Variants in OGDHL observed in about 807,000 individuals in gnomAD.
The protein encoded by OGDHL is 2-oxoglutarate dehydrogenase-like, mitochondrial.
In OGDHL, 79 loss-of-function variants were observed where a neutral mutation model predicts 109.6. The ratio of observed to expected loss-of-function variants is 0.72; its 90% confidence interval spans 0.60 to 0.87. The LOEUF is 0.87. Among genes scored for constraint, OGDHL ranks in the 40% least tolerant of loss-of-function variants. The pLI is 0.00. For missense variants in OGDHL, 1,275 were observed against 1,362.2 expected (o/e 0.94, Z 1.01); for synonymous variants, 528 against 537.2 (o/e 0.98, Z 0.24).
chr10:49,746,068 C>A (rs941695000), intron 10 of OGDHL, 91 bp from the exon 11 acceptor site: 16 of 1,432,572 alleles, frequency 1.1e-5, no homozygotes, highest in Non-Finnish European at 1.9e-6. Context: ...GGGGGATGCT[C>A]AAGGTCCACT....
At chr10:49,740,986 G>A (rs1190602141) in intron 15 of OGDHL, 149 bp from the exon 16 acceptor site, 2 of 1,041,250 alleles carry the variant, frequency 1.9e-6, no homozygotes, top group Admixed American at 2.3e-5. Context: ...CATCCAAGAA[G>A]GCTGTGGAAA....
At chr10:49,743,779 G>A in intron 14 of OGDHL, 1 of 501,130 alleles carries the variant, frequency 2.0e-6, no homozygotes. Context: ...ACCCAGCTGG[G>A]AGTGTGGCAT....
At chr10:49,741,972 T>C (rs1841712783) in intron 15 of OGDHL, among the ~76,000 whole-genome samples, 3 of 79,750 alleles carry the variant, frequency 3.8e-5, no homozygotes, top group South Asian at 4.7e-4. Context: ...CTACATACAC[T>C]ACACACACAC....
intron 5 of OGDHL, 33 bp downstream of exon 5, chr10:49,752,100 T>A (rs1354054385): frequency 6.2e-7 from 1 of 1,610,384 alleles, no homozygotes; most frequent in Admixed American, 1.7e-5. Flanking sequence ...AAGAGCTGCT[T>A]CAGCTGCACC....
intron 15 of OGDHL, among the ~76,000 whole-genome samples, chr10:49,742,544 ACAC>A: frequency 9.7e-6 from 1 of 103,560 alleles, no homozygotes; most frequent in Middle Eastern, 5.4e-3. Context: ...CACACACCAC[ACAC>A]AACTCGCCCA....
chr10:49,747,155 G>A lies in OGDHL; in HGVS notation c.1041C>T (p.Arg347=), dbSNP rs756155759. 1.1e-5 allele frequency: 17 copies of A among 1,614,106 alleles called. No homozygotes were observed. Among genetic ancestry groups the A allele is most frequent in the East Asian group, 2.2e-5 (1 of 44,898 alleles). Residue 347 remains arginine, a synonymous_variant, in exon 9 of 23, where the codon CGC becomes CGT. Coordinates refer to ENST00000374103, the MANE Select transcript of OGDHL (RefSeq NM_018245.3). ...ACAGAGTGATGTTCCGGTTGGTGAC[G>A]CGGTTGATCCTCTCATGGTACATGC... ...HLGMYHERIN[R]VTNRNITLSL... is the part of the protein sequence containing the mutation.
intron 16 of OGDHL, 137 bp downstream of exon 16, chr10:49,740,573 C>A: frequency 9.1e-7 from 1 of 1,097,204 alleles, no homozygotes; most frequent in Non-Finnish European, 1.2e-6. Context: ...GCCCAATCAC[C>A]ATCCCCCAGG....
In OGDHL at chr10:49,746,774, G is replaced by A. The variant is rs774251634; in HGVS notation, c.1272C>T (p.Thr424=). ...SDLPSYTTNG[T]VHVVVNNQIG... ...CCTGGTTGTTGACGACGACGTGCAC[G>A]GTACCATTGGTCGTGTAGGAGGGCA... The change falls in exon 10 of 23, where the codon ACC becomes ACT. Residue 424 remains threonine, a synonymous_variant. Transcript: ENST00000374103. 30 of 1,614,032 alleles carry A rather than the reference G, an allele frequency of 1.9e-5. No individual in the cohort carries two copies. Among genetic ancestry groups the A allele is most frequent in the Admixed American group, 1.3e-4 (8 of 60,006 alleles).
In OGDHL at chr10:49,738,387, G is replaced by T. The variant is rs528904133; in HGVS notation, c.2320-125C>A. On this transcript the variant is annotated intron_variant, in intron 17 of 22. Coordinates refer to ENST00000374103, the MANE Select transcript of OGDHL (RefSeq NM_018245.3). ...TCAGCAGAGGTGCCCTCACCCTGGA[G>T]CCTGAACCATAGAAAAGAACCAAGA... 79 of 908,232 alleles carry T rather than the reference G, an allele frequency of 8.7e-5. No individual in the cohort carries two copies. The African/African-American group carries it at 1.3e-3, about 15-fold the overall frequency. The allele number at this position is 908,232 out of a possible 1,614,324, so 56.3% of individuals were successfully genotyped here.
intron 15 of OGDHL, among the ~76,000 whole-genome samples, chr10:49,742,453 ACACG>A (rs1432193771): frequency 6.3e-3 from 16 of 2,558 alleles, no homozygotes; most frequent in Non-Finnish European, 9.4e-3. Context: ...CACACCACAC[ACACG>A]CACCACACAC....
At position 49,758,495 on chromosome 10, in the gene OGDHL, G is replaced by C; in HGVS notation, c.98C>G (p.Ser33Cys). 6.2e-7 allele frequency: 1 copy of C among 1,613,870 alleles called. No homozygotes were observed. ...DVPVFGWRSRSSGPPATFPSS... is the reference protein window; with the variant it reads ...DVPVFGWRSRCSGPPATFPSS... Reference sequence around the variant, plus strand: ...TGGGAAGGTGGCCGGTGGCCCGGAGGACCTGCTGCGCCAGCCAAACACCGG... The same window carrying C: ...TGGGAAGGTGGCCGGTGGCCCGGAGCACCTGCTGCGCCAGCCAAACACCGG... Residue 33 changes from serine to cysteine, a missense_variant, in exon 2 of 23, where the codon TCC (serine) becomes TGC (cysteine). Coordinates refer to ENST00000374103, the MANE Select transcript of OGDHL (RefSeq NM_018245.3).
chr10:49,758,508 A>G lies in OGDHL; in HGVS notation c.85T>C (p.Trp29Arg), dbSNP rs745878560. Residue 29 changes from tryptophan (W) to arginine (R), a missense_variant, in exon 2 of 23, where the codon TGG (tryptophan) becomes CGG (arginine). By Grantham distance (101) the Trp-to-Arg change is moderately radical. Coordinates refer to ENST00000374103, the MANE Select transcript of OGDHL (RefSeq NM_018245.3). ...LAAHDVPVFG[W>R]RSRSSGPPAT... is the part of the protein sequence containing the mutation. ...GGTGGCCCGGAGGACCTGCTGCGCC[A>G]GCCAAACACCGGGACGTCATGTGCA... is the stretch of plus-strand genomic sequence containing the variant. The G allele has an allele frequency of 2.5e-6, 4 of 1,613,938 alleles. No homozygotes were observed. In the East Asian group the frequency reaches 8.9e-5, roughly 36 times the overall value.
intron 12 of OGDHL, 50 bp from the exon 13 acceptor site, chr10:49,744,802 A>T: frequency 6.8e-7 from 1 of 1,474,924 alleles, no homozygotes; most frequent in Non-Finnish European, 9.5e-7. Flanking sequence ...CTGCGCAGCC[A>T]GACGCCCAGT....
chr10:49,737,732 A>C (rs980628093), intron 20 of OGDHL, 54 bp downstream of exon 20: 7 of 1,597,706 alleles, frequency 4.4e-6, no homozygotes, highest in Non-Finnish European at 6.0e-6. Flanking sequence ...GAAGCCACAC[A>C]ATGGGCCACC....
chr10:49,748,145 C>A (rs1211905079), intron 8 of OGDHL, among the ~76,000 whole-genome samples: 1 of 152,088 alleles, frequency 6.6e-6, no homozygotes, highest in Non-Finnish European at 1.5e-5. Flanking sequence ...GCTCGGACAC[C>A]ATCTAACAGA....
chr10:49,753,974 G>A (rs1842764625), intron 3 of OGDHL, among the ~76,000 whole-genome samples: 2 of 151,782 alleles, frequency 1.3e-5, no homozygotes, highest in Admixed American at 1.3e-4. Flanking sequence ...CATTGTACTG[G>A]CATCTTTGAG....
intron 15 of OGDHL, among the ~76,000 whole-genome samples, chr10:49,742,303 G>A (rs1283524644): frequency 1.5e-5 from 1 of 65,456 alleles, no homozygotes; most frequent in Non-Finnish European, 3.0e-5. Flanking sequence ...CACCACAAAT[G>A]CACCACACCC....
intron 3 of OGDHL, among the ~76,000 whole-genome samples, chr10:49,753,594 T>C (rs1765208485): frequency 6.6e-6 from 1 of 152,184 alleles, no homozygotes. Flanking sequence ...GTAATAGTGT[T>C]AGAATTGTTA....
At position 49,746,817 on chromosome 10, in the gene OGDHL, GT is replaced by G; in HGVS notation, c.1228del (p.Thr410ProfsTer4). On this transcript the variant is annotated frameshift_variant, in exon 10 of 23. Transcript: ENST00000374103. LOFTEE classifies it high-confidence loss of function. ...GGAGGGCAGGTCGCTCAGGTGGAAG[GT>G]CTCATATACCACGCCCTGGCCAGCA... ...AFAGQGVVYE[T>X]FHLSDLPSYT... The G allele has an allele frequency of 2.5e-6, 4 of 1,614,164 alleles. No individual in the cohort carries two copies. Among genetic ancestry groups the G allele is most frequent in the Non-Finnish European group, 3.4e-6 (4 of 1,180,022 alleles).
Sources: allele counts gnomAD v4.1 joint callset (sites outside exome capture counted in the v4.1 genomes callset), GRCh38; gene constraint gnomAD v4.1.1; transcripts MANE v1.5; gene names NCBI Gene and HGNC (gene_info 2026-07-23, HGNC 2026-07-21).